ALOX5: variants seen among roughly 807,000 people sequenced by gnomAD.
ALOX5 encodes the protein polyunsaturated fatty acid 5-lipoxygenase.
In ALOX5, 64 loss-of-function variants were observed where a neutral mutation model predicts 87.9. The ratio of observed to expected loss-of-function variants is 0.73; its 90% CI spans 0.60 to 0.90. The LOEUF (loss-of-function observed/expected upper bound fraction) is 0.90. Ranked by LOEUF, ALOX5 falls within the 40% of genes least tolerant of loss-of-function variation. The pLI is 0.00. For synonymous variants in ALOX5, 388 were observed against 355.1 expected, an observed-to-expected ratio of 1.09 and a Z score of -1.04; for missense variants, 822 against 907.5, an observed-to-expected ratio of 0.91 and a Z score of 1.21.
Position 45,440,571 on chromosome 10 carries a change from G to A in ALOX5, c.1123G>A (p.Val375Met). The A allele has an allele frequency of 1.2e-6, 2 of 1,614,162 alleles. No individual in the cohort carries two copies. The highest frequency in any genetic ancestry group is 1.7e-6 in the Non-Finnish European group (2 of 1,180,032). ...CACCCACCTTCTGCGAACACATCTGGTGTCTGAGGTTTTTGGCATTGCAAT... is the reference window on the plus strand; with the variant it reads ...CACCCACCTTCTGCGAACACATCTGATGTCTGAGGTTTTTGGCATTGCAAT... ...TITHLLRTHL[V>M]SEVFGIAMYR... The change falls in exon 8 of 14, where the codon GTG becomes ATG. Residue 375 changes from valine to methionine, a missense_variant. By Grantham distance (21) the Val-to-Met change is conservative. Transcript: ENST00000374391.
At position 45,441,711 on chromosome 10, in the gene ALOX5, C is replaced by A. The variant is rs55814758; in HGVS notation, c.1272+281C>A. The A allele has an allele frequency of 6.4e-3, 2,906 of 455,956 alleles. 18 individuals carry two copies. The highest frequency in any genetic ancestry group is 9.3e-3 in the Non-Finnish European group (2,377 of 255,986). 28.2% of individuals were successfully genotyped at this position (455,956 alleles called of 1,614,324 possible). On this transcript the variant is annotated intron_variant, in intron 9 of 13. Transcript: ENST00000374391. ...AGCCTCTGGGACCTGGGTGTAGACCCCCCTCTGGAACACACTCCTTATGGC... is the reference window on the plus strand; with the variant it reads ...AGCCTCTGGGACCTGGGTGTAGACCACCCTCTGGAACACACTCCTTATGGC...
intron 2 of ALOX5, among the ~76,000 whole-genome samples, chr10:45,386,606 A>T (rs1449699175): frequency 6.6e-6 from 1 of 152,046 alleles, no homozygotes; most frequent in Non-Finnish European, 1.5e-5. Flanking sequence ...TGGATTTTGA[A>T]TATCTTTGGG....
At chr10:45,397,497 G>A (rs1162654770) in intron 3 of ALOX5, among the ~76,000 whole-genome samples, 5 of 152,102 alleles carry the variant, frequency 3.3e-5, no homozygotes, top group Non-Finnish European at 4.4e-5. Context: ...TGTACTGGAG[G>A]GTCTAGCCAG....
intron 3 of ALOX5, among the ~76,000 whole-genome samples, chr10:45,399,517 G>T (rs1321911805): frequency 6.6e-6 from 1 of 152,178 alleles, no homozygotes; most frequent in Admixed American, 6.5e-5. Flanking sequence ...AGATCTAAAA[G>T]TAAGGGCTAA....
intron 2 of ALOX5, among the ~76,000 whole-genome samples, chr10:45,389,450 CA>C (rs1450800512): frequency 6.6e-6 from 1 of 152,168 alleles, no homozygotes; most frequent in Admixed American, 6.5e-5. Context: ...AGAGAAAGGT[CA>C]GGTTACCCAC....
At chr10:45,386,453 G>A (rs1453386840) in intron 2 of ALOX5, among the ~76,000 whole-genome samples, 1 of 151,870 alleles carries the variant, frequency 6.6e-6, no homozygotes, top group Non-Finnish European at 1.5e-5. Context: ...GAGACAGAGG[G>A]AGACCCTGTC....
At chr10:45,423,022 C>G (rs1157383532) in intron 4 of ALOX5, among the ~76,000 whole-genome samples, 1 of 152,222 alleles carries the variant, frequency 6.6e-6, no homozygotes, top group African/African-American at 2.4e-5. Context: ...GTACCCCACC[C>G]TCGTGACCTC....
At chr10:45,391,052 C>A (rs1442790313) in intron 2 of ALOX5, among the ~76,000 whole-genome samples, 2 of 83,670 alleles carry the variant, frequency 2.4e-5, no homozygotes. Flanking sequence ...CTCCCCTCTC[C>A]CCTCTCCCTC....
In ALOX5 at chr10:45,444,213, C is replaced by T. The variant is rs146768497; in HGVS notation, c.1772C>T (p.Thr591Met). ...GTGACCATTGAGCAGATCGTGGACA[C>T]GCTGCCCGACCGCGGCCGCTCCTGC... is the stretch of plus-strand genomic sequence containing the variant. The part of the protein sequence containing the change: ...GVVTIEQIVD[T>M]LPDRGRSCWH... Residue 591 changes from threonine (T) to methionine (M), a missense_variant, in exon 13 of 14, where the codon ACG becomes ATG. Physicochemically the swap from Thr to Met is moderately conservative, Grantham distance 81. Transcript: ENST00000374391. 14 of 1,554,952 alleles carry T rather than the reference C, an allele frequency of 9.0e-6. No individual in the cohort carries two copies. The African/African-American group carries it at 1.2e-4, about 14-fold the overall frequency.
chr10:45,392,781 A>G (rs1407175828), intron 2 of ALOX5, among the ~76,000 whole-genome samples: 1 of 152,224 alleles, frequency 6.6e-6, no homozygotes, highest in Non-Finnish European at 1.5e-5. Context: ...ATCACCACGG[A>G]TTCCACAGAA....
Position 45,395,918 on chromosome 10 carries a change from C to A in ALOX5, c.413C>A (p.Thr138Lys). Residue 138 changes from threonine (T) to lysine (K), a missense_variant, in exon 3 of 14, where the codon ACA becomes AAA. Coordinates refer to ENST00000374391, the MANE Select transcript of ALOX5 (RefSeq NM_000698.5). Reference sequence around the variant, plus strand: ...CAACACCGACGTAAAGAACTGGAAACACGGCAAAAACAATATCGGTGAGTT... The same window carrying A: ...CAACACCGACGTAAAGAACTGGAAAAACGGCAAAAACAATATCGGTGAGTT... ...LKQHRRKELE[T>K]RQKQYRWMEW... 1.2e-6 allele frequency: 2 copies of A among 1,614,206 alleles called. No individual in the cohort carries two copies. Among genetic ancestry groups the A allele is most frequent in the South Asian group, 2.2e-5 (2 of 91,090 alleles).
intron 2 of ALOX5, among the ~76,000 whole-genome samples, chr10:45,390,498 A>T (rs1840178751): frequency 6.6e-6 from 1 of 152,260 alleles, no homozygotes; most frequent in African/African-American, 2.4e-5. Flanking sequence ...TGTCTCTCAG[A>T]CCACAGTGCA....
chr10:45,380,934 T>G (rs181455360), intron 1 of ALOX5, among the ~76,000 whole-genome samples: 1 of 152,290 alleles, frequency 6.6e-6, no homozygotes, highest in Admixed American at 6.5e-5. Flanking sequence ...ACAGTGAGAC[T>G]CCACCTCAAA....
chr10:45,426,694 A>G (rs780134434), intron 6 of ALOX5, among the ~76,000 whole-genome samples: 9 of 152,236 alleles, frequency 5.9e-5, no homozygotes, highest in African/African-American at 1.9e-4. Context: ...CAAGAACTCT[A>G]TTGGCTCAGG....
At chr10:45,416,012 C>T (rs955624724) in intron 4 of ALOX5, among the ~76,000 whole-genome samples, 1 of 152,180 alleles carries the variant, frequency 6.6e-6, no homozygotes, top group African/African-American at 2.4e-5. Flanking sequence ...CAACCCCACA[C>T]CCACAGATGA....
At chr10:45,388,156 A>C (rs2132692236) in intron 2 of ALOX5, among the ~76,000 whole-genome samples, 1 of 152,314 alleles carries the variant, frequency 6.6e-6, no homozygotes. Flanking sequence ...TCTGGCTCGG[A>C]GGGTCCCATG....
chr10:45,394,290 A>C (rs1012704964), intron 2 of ALOX5, among the ~76,000 whole-genome samples: 1 of 152,240 alleles, frequency 6.6e-6, no homozygotes, highest in Non-Finnish European at 1.5e-5. Context: ...GAGCCCTCAG[A>C]AATGACACCA....
At chr10:45,414,484 C>T (rs61601228) in intron 4 of ALOX5, among the ~76,000 whole-genome samples, 4,359 of 152,178 alleles carry the variant, frequency 0.029, 150 homozygotes, top group African/African-American at 0.075. Context: ...CCATAAAAAC[C>T]CTAGAAGAAA....
At chr10:45,399,347 G>A (rs1056641783) in intron 3 of ALOX5, among the ~76,000 whole-genome samples, 7 of 152,178 alleles carry the variant, frequency 4.6e-5, no homozygotes, top group Admixed American at 6.5e-5. Flanking sequence ...TCCTTTTGCC[G>A]GGGATGAAAA....
Sources: allele counts gnomAD v4.1 joint callset (sites outside exome capture counted in the v4.1 genomes callset), GRCh38; gene constraint gnomAD v4.1.1; transcripts MANE v1.5; gene names NCBI Gene and HGNC (gene_info 2026-07-23, HGNC 2026-07-21).